VPS35L: variants seen among roughly 807,000 people sequenced by gnomAD.
VPS35L encodes the protein VPS35 endosomal protein-sorting factor-like.
VPS35L carries 83 observed loss-of-function variants against 133.0 expected under a neutral mutation model. The ratio of observed to expected loss-of-function variants is 0.62; its 90% CI spans 0.52 to 0.75. The LOEUF is 0.75. VPS35L is among the 30% of genes least tolerant of loss of function. VPS35L has a pLI of 0.00. For missense variants in VPS35L, 1,083 were observed against 1,206.8 expected (o/e 0.90, Z 1.52); for synonymous variants, 423 against 449.9 (o/e 0.94, Z 0.76).
At position 19,682,321 on chromosome 16, in the gene VPS35L, A is replaced by ATCTT; in HGVS notation, c.2461_2462insTTCT (p.Tyr821PhefsTer46). ...GGACAACAGCGATGAGAAAATCCGC[A>ATCTT]TCTACACCTGCGTCCTGCATCTCCT... On this transcript the variant is annotated frameshift_variant, in exon 28 of 31. Coordinates refer to ENST00000417362, the MANE Select transcript of VPS35L (RefSeq NM_020314.7). LOFTEE classifies it high-confidence loss of function. 1 of 1,614,140 alleles carries ATCTT rather than the reference A, an allele frequency of 6.2e-7. No individual in the cohort carries two copies. Among genetic ancestry groups the ATCTT allele is most frequent in the South Asian group, 1.1e-5 (1 of 91,076 alleles).
chr16:19,687,021 G>A (rs1975486200), intron 28 of VPS35L, among the ~76,000 whole-genome samples: 1 of 152,120 alleles, frequency 6.6e-6, no homozygotes, highest in Non-Finnish European at 1.5e-5. Context: ...GCACACTATT[G>A]CAATTGCCTG....
intron 1 of VPS35L, among the ~76,000 whole-genome samples, chr16:19,560,773 G>A (rs532227610): frequency 5.1e-4 from 77 of 151,686 alleles, no homozygotes; most frequent in Non-Finnish European, 9.9e-4. Context: ...TCCATCCTGG[G>A]GTACAAAGCA....
chr16:19,687,181 G>A (rs1975492167), intron 28 of VPS35L, among the ~76,000 whole-genome samples: 2 of 152,182 alleles, frequency 1.3e-5, no homozygotes, highest in Non-Finnish European at 2.9e-5. Flanking sequence ...GTGTGTGTGA[G>A]TGGCCTGCTC....
intron 14 of VPS35L, among the ~76,000 whole-genome samples, chr16:19,624,391 T>A (rs1168942543): frequency 6.6e-6 from 1 of 151,882 alleles, no homozygotes; most frequent in Non-Finnish European, 1.5e-5. Context: ...AAGGCCAGCC[T>A]GGCTAACAGG....
chr16:19,595,230 C>T (rs1310123174), intron 8 of VPS35L, among the ~76,000 whole-genome samples: 2 of 152,010 alleles, frequency 1.3e-5, no homozygotes, highest in Non-Finnish European at 2.9e-5. Context: ...TAACAGGCTC[C>T]GTGTTGAGAC....
rs183668133 is a variant in VPS35L at position 19,639,971 on chromosome 16, A to G, written c.1699-44A>G. 1.2e-4 allele frequency: 181 copies of G among 1,523,896 alleles called. No individual in the cohort carries two copies. The African/African-American group carries it at 2.4e-3, about 20-fold the overall frequency. The allele number at this position is 1,523,896 out of a possible 1,614,324, so 94.4% of individuals were successfully genotyped here. On this transcript the variant is annotated intron_variant, in intron 20 of 30. Transcript: ENST00000417362. The surrounding 1 kb of genome is among the most constrained non-coding windows in gnomAD (Gnocchi z 4.1). ...GAGACCCACAGATTCCTTCCTTCCA[A>G]TAACTTGTGTCATTTGCATATAGAG... is the stretch of plus-strand genomic sequence containing the variant.
intron 19 of VPS35L, among the ~76,000 whole-genome samples, chr16:19,634,171 G>T (rs1357142348): frequency 6.6e-6 from 1 of 151,976 alleles, no homozygotes; most frequent in Admixed American, 6.6e-5. Flanking sequence ...GTTCAGTGAG[G>T]CAAGGTGTGG....
rs530761431 is a variant in VPS35L at position 19,667,107 on chromosome 16, G to A, written c.2222-2053G>A. On this transcript the variant is annotated intron_variant, in intron 26 of 30. Coordinates refer to ENST00000417362, the MANE Select transcript of VPS35L (RefSeq NM_020314.7). ...GCCTCCCGAGTAGCTGGAATTACAG[G>A]CATGTGCCACCATGCCCAGCTAATT... Among the ~76,000 whole-genome samples the A allele has an allele frequency of 9.2e-5, 14 of 151,990 alleles. No homozygotes were observed. In the South Asian group the frequency reaches 2.9e-3, roughly 32 times the overall value.
chr16:19,642,243 G>C (rs1012858561), intron 21 of VPS35L, among the ~76,000 whole-genome samples, 153 bp from the exon 22 acceptor site: 1 of 152,134 alleles, frequency 6.6e-6, no homozygotes, highest in African/African-American at 2.4e-5. Context: ...GACAACCAGA[G>C]AACATGGCTC....
chr16:19,574,164 T>TA (rs573633650), intron 4 of VPS35L, among the ~76,000 whole-genome samples: 1 of 152,136 alleles, frequency 6.6e-6, no homozygotes, highest in Non-Finnish European at 1.5e-5. Context: ...TATCCCTCCT[T>TA]ACGCTGGAGA....
intron 18 of VPS35L, 132 bp from the exon 19 acceptor site, chr16:19,632,960 A>C: frequency 2.8e-6 from 2 of 721,644 alleles, no homozygotes; most frequent in Non-Finnish European, 4.9e-6. Context: ...CGTTATTTTC[A>C]GCAGAATACT....
chr16:19,640,122 A>G (rs763228108), intron 21 of VPS35L, 22 bp downstream of exon 21: 1 of 1,602,094 alleles, frequency 6.2e-7, no homozygotes, highest in Admixed American at 1.7e-5. Flanking sequence ...TGCGTGCAGC[A>G]GAAGCCTTGA....
chr16:19,620,116 G>A (rs999026795), intron 14 of VPS35L, among the ~76,000 whole-genome samples: 1 of 152,142 alleles, frequency 6.6e-6, no homozygotes, highest in African/African-American at 2.4e-5. Flanking sequence ...TAGTCCGTTC[G>A]GGCTGCCATA....
At chr16:19,598,217 A>T (rs1309906735) in intron 8 of VPS35L, among the ~76,000 whole-genome samples, 1 of 152,176 alleles carries the variant, frequency 6.6e-6, no homozygotes, top group Non-Finnish European at 1.5e-5. Flanking sequence ...GATTCATAGG[A>T]AGTATAATGT....
At position 19,646,136 on chromosome 16, in the gene VPS35L, A is replaced by C. The variant is rs558633263; in HGVS notation, c.1929+1187A>C. Among the ~76,000 whole-genome samples the C allele has an allele frequency of 6.0e-4, 92 of 152,216 alleles. 1 individual carries two copies. The highest frequency in any genetic ancestry group is 1.2e-3 in the Non-Finnish European group (85 of 68,002). On this transcript the variant is annotated intron_variant, in intron 23 of 30. Transcript: ENST00000417362. Reference sequence around the variant, plus strand: ...ATCAGCTTGGTAACCAGGCTGCTACAGGGAGTGTGGTGTGGCACTGGCGTG... The same window carrying C: ...ATCAGCTTGGTAACCAGGCTGCTACCGGGAGTGTGGTGTGGCACTGGCGTG...
rs1250275976 is a variant in VPS35L at position 19,701,022 on chromosome 16, G to T, written c.*546G>T. The T allele has an allele frequency of 6.5e-6, 1 of 152,722 alleles. No homozygotes were observed. Among genetic ancestry groups the T allele is most frequent in the Non-Finnish European group, 1.5e-5 (1 of 68,460 alleles). 9.5% of individuals were successfully genotyped at this position (152,722 alleles called of 1,614,324 possible). ...TCCTATCAAAAGCAGCTCTTGATTG[G>T]ACTTAGAATCTGTGTTGGTGGATCA... On this transcript the variant is annotated 3_prime_UTR_variant, in exon 31 of 31. Transcript: ENST00000417362.
chr16:19,652,307 G>T, intron 26 of VPS35L: 1 of 507,270 alleles, frequency 2.0e-6, no homozygotes. Flanking sequence ...GGGACTGCAG[G>T]CGCACACCAC....
chr16:19,616,884 T>G, intron 14 of VPS35L, 76 bp downstream of exon 14: 1 of 1,587,674 alleles, frequency 6.3e-7, no homozygotes, highest in Non-Finnish European at 8.6e-7. Context: ...CCCTTTAACG[T>G]TAATGGGACC....
intron 27 of VPS35L, among the ~76,000 whole-genome samples, chr16:19,670,704 G>A (rs1485985499): frequency 3.3e-5 from 5 of 152,262 alleles, no homozygotes; most frequent in Admixed American, 6.5e-5. Context: ...GAAAGAATGA[G>A]GCCACTCCCG....
Sources: allele counts gnomAD v4.1 joint callset (sites outside exome capture counted in the v4.1 genomes callset), GRCh38; gene constraint gnomAD v4.1.1; non-coding constraint Gnocchi (gnomAD v3.1); transcripts MANE v1.5; gene names NCBI Gene and HGNC (gene_info 2026-07-23, HGNC 2026-07-21).